The following LRRC74A variants were observed in gnomAD, a reference collection of about 807,000 sequenced individuals.
The protein encoded by LRRC74A is leucine rich repeat containing 74A.
In LRRC74A, 44 loss-of-function variants were observed where a neutral mutation model predicts 57.9. That is an observed-to-expected ratio of 0.76 (90% CI 0.60 to 0.98). The LOEUF (loss-of-function observed/expected upper bound fraction) is 0.98, where lower values mean the gene tolerates loss of function less well. Among genes scored for constraint, LRRC74A ranks in the 50% least tolerant of loss-of-function variants. LRRC74A has a pLI of 0.00. For missense variants in LRRC74A, 572 were observed against 574.0 expected (o/e 1.00, Z 0.04); for synonymous variants, 211 against 219.4 (o/e 0.96, Z 0.34).
chr14:76,870,212 G>T lies in LRRC74A; in HGVS notation c.*63G>T. On this transcript the variant is annotated 3_prime_UTR_variant, in exon 14 of 14. Coordinates refer to ENST00000689127, the MANE Select transcript of LRRC74A (RefSeq NM_001385106.1). ...AGTCCTCGCAAGTCGGATGGTGGCA[G>T]GGAGGAGAGCAAGAGGTGGCTGAAA... The T allele has an allele frequency of 6.5e-7, 1 of 1,547,260 alleles. No homozygotes were observed. The highest frequency in any genetic ancestry group is 8.8e-7 in the Non-Finnish European group (1 of 1,133,286).
At chr14:76,826,990 T>C (rs374756640) in intron 1 of LRRC74A, among the ~76,000 whole-genome samples, 56 of 152,346 alleles carry the variant, frequency 3.7e-4, no homozygotes, top group African/African-American at 1.2e-3. Flanking sequence ...ACCACATTTA[T>C]AGTTTGAAAT....
chr14:76,852,339 C>A (rs1897553249), intron 7 of LRRC74A, 26 bp from the exon 8 acceptor site: 1 of 1,566,324 alleles, frequency 6.4e-7, no homozygotes, highest in Non-Finnish European at 8.8e-7. Context: ...GTGGGAGATG[C>A]TAAGCCGATT....
At chr14:76,827,241 C>T (rs1895639978) in intron 1 of LRRC74A, among the ~76,000 whole-genome samples, 1 of 152,224 alleles carries the variant, frequency 6.6e-6, no homozygotes, top group South Asian at 2.1e-4. Context: ...TACCAGGCCA[C>T]TGCTACCTGC....
At chr14:76,830,098 T>G (rs1482024759) in intron 2 of LRRC74A, among the ~76,000 whole-genome samples, 1 of 152,200 alleles carries the variant, frequency 6.6e-6, no homozygotes, top group Non-Finnish European at 1.5e-5. Flanking sequence ...CCAAAATACC[T>G]GCAGTGCTGA....
intron 11 of LRRC74A, among the ~76,000 whole-genome samples, chr14:76,865,120 G>C (rs1359151977): frequency 6.6e-6 from 1 of 152,178 alleles, no homozygotes; most frequent in Non-Finnish European, 1.5e-5. Context: ...ATCTAAAATT[G>C]CCTTGCAACG....
chr14:76,832,774 T>A (rs1481466652), intron 3 of LRRC74A, among the ~76,000 whole-genome samples: 1 of 152,130 alleles, frequency 6.6e-6, no homozygotes, highest in Non-Finnish European at 1.5e-5. Context: ...AGTAGTAGTT[T>A]CACCAGCATC....
rs754002061 is a variant in LRRC74A, at chr14:76,836,262, G to A, written c.395G>A (p.Gly132Asp). 2 of 1,613,938 alleles carry A rather than the reference G, an allele frequency of 1.2e-6. No individual in the cohort carries two copies. Among genetic ancestry groups the A allele is most frequent in the Admixed American group, 1.7e-5 (1 of 60,026 alleles). Reference protein sequence around the residue: ...ELEDNCIMEEGVLSLVEMLQE... With the variant: ...ELEDNCIMEEDVLSLVEMLQE... The stretch of plus-strand genomic sequence containing the variant: ...GAAGACAATTGCATCATGGAGGAGG[G>A]CGTCTTGAGCCTGGTGGAGATGCTA... Residue 132 changes from glycine (G) to aspartate (D), a missense_variant, in exon 4 of 14, where the codon GGC becomes GAC. Coordinates refer to ENST00000689127, the MANE Select transcript of LRRC74A (RefSeq NM_001385106.1).
Position 76,826,457 on chromosome 14 carries a change from A to G in LRRC74A, c.-241A>G, listed in dbSNP as rs1362392156. On this transcript the variant is annotated 5_prime_UTR_variant, in exon 1 of 14. Transcript: ENST00000689127. ...TCCCACTCTCCCAGATGAGCTGGAG[A>G]AGTAGCTACCTCTCCCAGACAGAGT... 1 of 1,441,878 alleles carries G rather than the reference A, an allele frequency of 6.9e-7. No homozygotes were observed. Among genetic ancestry groups the G allele is most frequent in the South Asian group, 1.3e-5 (1 of 77,306 alleles). 89.3% of individuals were successfully genotyped at this position (1,441,878 alleles called of 1,614,324 possible).
intron 9 of LRRC74A, among the ~76,000 whole-genome samples, chr14:76,854,745 TTTAAA>T (rs1386464169): frequency 6.6e-6 from 1 of 152,222 alleles, no homozygotes; most frequent in East Asian, 1.9e-4. Flanking sequence ...CATATTTCAT[TTTAAA>T]TTAATTTACT....
At chr14:76,834,814 G>A (rs1023144850) in intron 3 of LRRC74A, among the ~76,000 whole-genome samples, 1 of 152,120 alleles carries the variant, frequency 6.6e-6, no homozygotes, top group Non-Finnish European at 1.5e-5. Context: ...GCACCTAGAC[G>A]GGAGGCCCCC....
At chr14:76,844,684 C>CA (rs1897003935) in intron 6 of LRRC74A, 136 bp from the exon 7 acceptor site, 2 of 690,742 alleles carry the variant, frequency 2.9e-6, no homozygotes, top group South Asian at 3.6e-5. Flanking sequence ...AACAGTCCAA[C>CA]AAAAAATGCC....
intron 3 of LRRC74A, 50 bp from the exon 4 acceptor site, chr14:76,836,157 G>C: frequency 7.2e-7 from 1 of 1,386,318 alleles, no homozygotes; most frequent in East Asian, 2.3e-5. Flanking sequence ...GAACTGACTG[G>C]GTCACCAACC....
At chr14:76,848,127 C>A (rs1484849832) in intron 7 of LRRC74A, among the ~76,000 whole-genome samples, 1 of 139,070 alleles carries the variant, frequency 7.2e-6, no homozygotes, top group African/African-American at 2.7e-5. Context: ...AAGATGAGAT[C>A]CTGGGGTGGG....
Position 76,828,348 on chromosome 14 carries a change from C to A in LRRC74A, c.95C>A (p.Ala32Asp). The A allele has an allele frequency of 6.2e-7, 1 of 1,613,612 alleles. No individual in the cohort carries two copies. Among genetic ancestry groups the A allele is most frequent in the South Asian group, 1.1e-5 (1 of 91,080 alleles). Reference sequence around the variant, plus strand: ...AGCGATAAAATGCTCTACTGTGAGGCCGAATCCCCGCCGACTGTTGAAAAA... The same window carrying A: ...AGCGATAAAATGCTCTACTGTGAGGACGAATCCCCGCCGACTGTTGAAAAA... ...QSSDKMLYCE[A>D]ESPPTVEKVK... The change falls in exon 2 of 14, where the codon GCC becomes GAC. Residue 32 changes from alanine to aspartate, a missense_variant. Coordinates refer to ENST00000689127, the MANE Select transcript of LRRC74A (RefSeq NM_001385106.1).
At chr14:76,870,102 C>G in intron 13 of LRRC74A, 23 bp from the exon 14 acceptor site, 1 of 1,609,074 alleles carries the variant, frequency 6.2e-7, no homozygotes. Flanking sequence ...TGCTCAGCAT[C>G]TTTCCCTTAC....
intron 7 of LRRC74A, among the ~76,000 whole-genome samples, chr14:76,851,812 C>T (rs186536808): frequency 5.3e-5 from 8 of 151,956 alleles, no homozygotes; most frequent in Non-Finnish European, 1.0e-4. Flanking sequence ...ACTACAGGCA[C>T]GCGCCACCGC....
In LRRC74A at chr14:76,860,726, T is replaced by C. The variant is rs540427136; in HGVS notation, c.1087T>C (p.Leu363=). Residue 363 remains leucine (L), a synonymous_variant, in exon 11 of 14, where the codon TTG becomes CTG. Coordinates refer to ENST00000689127, the MANE Select transcript of LRRC74A (RefSeq NM_001385106.1). ...GGTGTCCGAGCAGTTCATGAAAACG[T>C]TGGACGGAGTGTATGCCGTTCACCC... ...VLVSEQFMKT[L]DGVYAVHPQL... 1.9e-4 allele frequency: 309 copies of C among 1,611,966 alleles called. 4 individuals are homozygous for C. In the South Asian group the frequency reaches 3.1e-3, roughly 16 times the overall value.
intron 9 of LRRC74A, among the ~76,000 whole-genome samples, 195 bp from the exon 10 acceptor site, chr14:76,857,181 AATGG>A (rs563796194): frequency 1.2e-4 from 15 of 130,306 alleles, no homozygotes; most frequent in South Asian, 5.0e-4. Context: ...TGGATGGATG[AATGG>A]ATGGATGGAT....
chr14:76,828,524 C>A (rs752408385), intron 2 of LRRC74A, 105 bp downstream of exon 2: 2 of 1,541,590 alleles, frequency 1.3e-6, no homozygotes, highest in South Asian at 1.1e-5. Context: ...GTCTGCCCTG[C>A]GGATGGCCTG....
Sources: allele counts gnomAD v4.1 joint callset (sites outside exome capture counted in the v4.1 genomes callset), GRCh38; gene constraint gnomAD v4.1.1; transcripts MANE v1.5; gene names NCBI Gene and HGNC (gene_info 2026-07-23, HGNC 2026-07-21).